CCDC7: variants seen among roughly 807,000 people sequenced by gnomAD.
CCDC7 encodes the protein coiled-coil domain-containing protein 7.
Under a neutral mutation model 196.9 loss-of-function variants are expected in CCDC7, and 183 were observed. The observed-to-expected ratio is 0.93, with a 90% CI of 0.82 to 1.05. CCDC7 has a LOEUF of 1.05. Among genes scored for constraint, CCDC7 ranks in the 50% least tolerant of loss-of-function variants. The pLI is 0.00. For synonymous variants in CCDC7, 525 were observed against 484.6 expected (o/e 1.08, Z -1.10); for missense variants, 1,540 against 1,482.2 (o/e 1.04, Z -0.64).
chr10:32,858,249 T>G (rs1469187759), intron 41 of CCDC7, among the ~76,000 whole-genome samples: 1 of 152,138 alleles, frequency 6.6e-6, no homozygotes, highest in Non-Finnish European at 1.5e-5. Context: ...TCTTAAACTC[T>G]TCCAAAAAAA....
intron 28 of CCDC7, among the ~76,000 whole-genome samples, chr10:32,745,376 A>G (rs796234119): frequency 1.3e-5 from 2 of 152,236 alleles, no homozygotes; most frequent in African/African-American, 4.8e-5. Flanking sequence ...AGACTATACA[A>G]GAAGCATGGT....
intron 9 of CCDC7, among the ~76,000 whole-genome samples, chr10:32,507,778 C>T (rs966680332): frequency 5.3e-5 from 8 of 152,130 alleles, no homozygotes; most frequent in African/African-American, 1.9e-4. Context: ...GGACAGTAAT[C>T]ATATGATCAT....
chr10:32,670,715 G>A (rs559614030), intron 21 of CCDC7, among the ~76,000 whole-genome samples: 110 of 152,010 alleles, frequency 7.2e-4, no homozygotes, highest in African/African-American at 2.5e-3. Context: ...TACAAAGGAC[G>A]TGAACTCATC....
Position 32,471,134 on chromosome 10 carries a change from CAGAAATAGTAAGGCTTG to C in CCDC7, c.582_598del (p.Glu195ThrfsTer4). 6.2e-7 allele frequency: 1 copy of C among 1,612,368 alleles called. No homozygotes were observed. Among genetic ancestry groups the C allele is most frequent in the East Asian group, 2.2e-5 (1 of 44,718 alleles). ...GACAAAACAGTCATTTTAAATATTG[CAGAAATAGTAAGGCTTG>C]TACAAAGATTTGAAGAACTGAAGAA... On this transcript the variant is annotated frameshift_variant, in exon 6 of 42. Transcript: ENST00000639629. LOFTEE classifies it high-confidence loss of function.
At chr10:32,687,204 A>G (rs755914357) in intron 22 of CCDC7, among the ~76,000 whole-genome samples, 9 of 152,216 alleles carry the variant, frequency 5.9e-5, no homozygotes, top group Non-Finnish European at 1.3e-4. Context: ...TAATTATTGC[A>G]TGGAGAAATA....
intron 18 of CCDC7, among the ~76,000 whole-genome samples, chr10:32,614,511 A>G (rs982480261): frequency 5.9e-5 from 9 of 152,140 alleles, no homozygotes; most frequent in African/African-American, 2.2e-4. Flanking sequence ...TATTTTGCCC[A>G]TTAGTTGATT....
intron 32 of CCDC7, among the ~76,000 whole-genome samples, chr10:32,829,455 A>G (rs2091864739): frequency 6.6e-6 from 1 of 152,238 alleles, no homozygotes; most frequent in Non-Finnish European, 1.5e-5. Context: ...CACTTGTACT[A>G]AGAACATATC....
At chr10:32,768,383 A>ATTTGTTTATGTATCCTG (rs1344031355) in intron 28 of CCDC7, among the ~76,000 whole-genome samples, 2 of 152,124 alleles carry the variant, frequency 1.3e-5, no homozygotes, top group African/African-American at 4.8e-5. Context: ...TGTATCCTGA[A>ATTTGTTTATGTATCCTG]ACTTTACTGA....
intron 11 of CCDC7, among the ~76,000 whole-genome samples, chr10:32,529,025 G>T (rs906743973): frequency 6.6e-6 from 1 of 151,552 alleles, no homozygotes; most frequent in Admixed American, 6.6e-5. Context: ...TTTATTTTAT[G>T]TTATTTTTTA....
At position 32,710,177 on chromosome 10, in the gene CCDC7, T is replaced by C. The variant is rs748107062; in HGVS notation, c.2459-1443T>C. The stretch of plus-strand genomic sequence containing the variant: ...CCCACAAGGTACCACTAAGTTAGTT[T>C]ACCAAGATTACCTCATTCATCATGC... On this transcript the variant is annotated intron_variant, in intron 24 of 41. Transcript: ENST00000639629. Among the ~76,000 whole-genome samples the C allele has an allele frequency of 2.0e-4, 30 of 152,318 alleles. No homozygotes were observed. In the Middle Eastern group the frequency reaches 0.01, roughly 52 times the overall value.
At chr10:32,594,728 A>C (rs935118838) in intron 18 of CCDC7, among the ~76,000 whole-genome samples, 1 of 152,204 alleles carries the variant, frequency 6.6e-6, no homozygotes, top group Non-Finnish European at 1.5e-5. Flanking sequence ...TGTCCCATCA[A>C]TACCTAATTT....
chr10:32,842,831 C>G (rs2093053694), intron 33 of CCDC7, among the ~76,000 whole-genome samples: 2 of 151,948 alleles, frequency 1.3e-5, no homozygotes, highest in Non-Finnish European at 2.9e-5. Context: ...TATAAGTGAA[C>G]TAACTCAGGA....
intron 29 of CCDC7, among the ~76,000 whole-genome samples, chr10:32,799,532 C>T (rs975773741): frequency 1.3e-5 from 2 of 152,152 alleles, no homozygotes; most frequent in Admixed American, 1.3e-4. Context: ...CTCCAAAATC[C>T]AAATAGGCCC....
chr10:32,801,795 A>G (rs894676005), intron 29 of CCDC7, among the ~76,000 whole-genome samples: 3 of 152,112 alleles, frequency 2.0e-5, no homozygotes, highest in Non-Finnish European at 4.4e-5. Context: ...TTCCTCAGCA[A>G]ATGTGGAAGG....
At chr10:32,499,883 G>T (rs1192968376) in intron 9 of CCDC7, among the ~76,000 whole-genome samples, 1 of 152,144 alleles carries the variant, frequency 6.6e-6, no homozygotes, top group African/African-American at 2.4e-5. Context: ...AACCCTTAGT[G>T]GACACAGCAC....
At chr10:32,567,884 A>G (rs2136963689) in exon 15 of CCDC7, 4 of 1,612,504 alleles carry the variant, frequency 2.5e-6, no homozygotes, top group Non-Finnish European at 3.4e-6. Flanking sequence ...ATCCAAGAAT[A>G]TCCACAGGTG....
chr10:32,588,603 C>G (rs1385727956), intron 18 of CCDC7, among the ~76,000 whole-genome samples: 2 of 152,132 alleles, frequency 1.3e-5, no homozygotes, highest in African/African-American at 4.8e-5. Context: ...CATAAGGATA[C>G]TGCTCTGTAT....
chr10:32,539,500 TTTTTTTGTATC>T, intron 11 of CCDC7, among the ~76,000 whole-genome samples: 2 of 152,148 alleles, frequency 1.3e-5, no homozygotes, highest in South Asian at 4.1e-4. Context: ...TCTTTTGTAT[TTTTTTTGTATC>T]TCAATTTCTT....
At chr10:32,664,277 GAAT>G in intron 21 of CCDC7, 116 bp downstream of exon 22, 1 of 364,978 alleles carries the variant, frequency 2.7e-6, no homozygotes, top group African/African-American at 2.1e-5. Flanking sequence ...ATAAATTGTG[GAAT>G]AATAAATTGT....
Sources: allele counts gnomAD v4.1 joint callset (sites outside exome capture counted in the v4.1 genomes callset), GRCh38; gene constraint gnomAD v4.1.1; transcripts MANE v1.5; gene names NCBI Gene and HGNC (gene_info 2026-07-23, HGNC 2026-07-21).